Variants in TSPEAR observed in about 807,000 individuals in gnomAD.
TSPEAR encodes the protein thrombospondin type laminin G domain and EAR repeats.
A neutral mutation model predicts 71.6 loss-of-function variants in TSPEAR; 69 were observed. That is an observed-to-expected ratio of 0.96 (90% CI 0.79 to 1.18). The LOEUF (loss-of-function observed/expected upper bound fraction) is 1.18, where lower values mean the gene tolerates loss of function less well. TSPEAR is among the 50% of genes most tolerant of loss of function. TSPEAR has a pLI of 0.00. For missense variants in TSPEAR, 971 were observed against 894.9 expected (o/e 1.09, Z -1.09); for synonymous variants, 402 against 387.2 (o/e 1.04, Z -0.45).
At chr21:44,536,169 G>A (rs2053087920) in intron 2 of TSPEAR, among the ~76,000 whole-genome samples, 1 of 152,246 alleles carries the variant, frequency 6.6e-6, no homozygotes, top group Non-Finnish European at 1.5e-5. Flanking sequence ...CCCAGCTGCA[G>A]TGGCTGTTCA....
chr21:44,644,212 C>G (rs1270732629), intron 1 of TSPEAR, among the ~76,000 whole-genome samples: 3 of 152,150 alleles, frequency 2.0e-5, no homozygotes, highest in African/African-American at 7.2e-5. Context: ...TTCCATGATC[C>G]AAAAAGTCAT....
intron 1 of TSPEAR, among the ~76,000 whole-genome samples, chr21:44,680,830 A>T (rs1986548525): frequency 6.6e-6 from 1 of 152,176 alleles, no homozygotes; most frequent in African/African-American, 2.4e-5. Flanking sequence ...ATGGAAGTAG[A>T]GAGTAGAATG....
intron 3 of TSPEAR, among the ~76,000 whole-genome samples, chr21:44,532,335 C>T (rs1410386573): frequency 6.6e-6 from 1 of 152,238 alleles, no homozygotes; most frequent in African/African-American, 2.4e-5. Flanking sequence ...TTCCTAGCTG[C>T]TGTGGCAAAG....
chr21:44,637,460 G>A lies in TSPEAR; in HGVS notation c.83-69455C>T, dbSNP rs782030241. On this transcript the variant is annotated intron_variant, in intron 1 of 11. Coordinates refer to ENST00000323084, the MANE Select transcript of TSPEAR (RefSeq NM_144991.3). The stretch of plus-strand genomic sequence containing the variant: ...GTCCATCTGCTCCAGCGCCTGCACT[G>A]ACTCTTGGCGGGTAGTCGACTGCCC... 6.8e-6 allele frequency: 11 copies of A among 1,612,940 alleles called. No individual in the cohort carries two copies. The South Asian group carries it at 9.9e-5, about 15-fold the overall frequency.
At chr21:44,630,605 A>AGCAGGAAGTGAAGGGGAGG (rs587618653) in intron 1 of TSPEAR, among the ~76,000 whole-genome samples, 271 of 150,946 alleles carry the variant, frequency 1.8e-3, no homozygotes, top group Middle Eastern at 3.4e-3. Context: ...GCTCTGAGCA[A>AGCAGGAAGTGAAGGGGAGG]GCAGGAAGTG....
intron 10 of TSPEAR, chr21:44,508,520 G>T: frequency 1.8e-6 from 2 of 1,093,256 alleles, no homozygotes; most frequent in Non-Finnish European, 2.2e-6. Flanking sequence ...GGATTCGATT[G>T]CAGGTTTATT....
Position 44,525,198 on chromosome 21 carries a change from G to A in TSPEAR, c.1336+455C>T, listed in dbSNP as rs1270749313. Among the ~76,000 whole-genome samples the A allele has an allele frequency of 8.6e-5, 13 of 151,950 alleles. 1 individual carries two copies. Among genetic ancestry groups the A allele is most frequent in the Non-Finnish European group, 4.4e-5 (3 of 67,982 alleles). On this transcript the variant is annotated intron_variant, in intron 8 of 11. Transcript: ENST00000323084. ...GTGAAGTAGTCAGTCAGTCTGTGAT[G>A]TAGTTGGTCATTCAGGTCGTCAATC... is the stretch of plus-strand genomic sequence containing the variant.
At chr21:44,647,935 C>T (rs1984537668) in intron 1 of TSPEAR, among the ~76,000 whole-genome samples, 1 of 152,240 alleles carries the variant, frequency 6.6e-6, no homozygotes, top group African/African-American at 2.4e-5. Flanking sequence ...CCGCCCATGC[C>T]TGTCCCCTGC....
In TSPEAR at chr21:44,613,300, C is replaced by G. The variant is rs587634710; in HGVS notation, c.83-45295G>C. 4.6e-5 allele frequency among the ~76,000 whole-genome samples: 7 copies of G among 152,316 alleles called. No individual in the cohort carries two copies. The East Asian group carries it at 1.2e-3, about 25-fold the overall frequency. On this transcript the variant is annotated intron_variant, in intron 1 of 11. Transcript: ENST00000323084. ...CGTTTCTAGGAGTGAGTTACTTAAC[C>G]TAGAAGTCACAAGGGACAGTGGCCT...
chr21:44,512,191 G>C (rs1460956477), intron 9 of TSPEAR, among the ~76,000 whole-genome samples: 3 of 152,212 alleles, frequency 2.0e-5, no homozygotes, highest in East Asian at 1.9e-4. Flanking sequence ...CCTGGGTGCT[G>C]TGGAAAGCAG....
chr21:44,637,884 G>A (rs782538046), intron 1 of TSPEAR: 1 of 1,533,798 alleles, frequency 6.5e-7, no homozygotes, highest in South Asian at 1.2e-5. Context: ...AAGTCCGTCT[G>A]CTATGTGCCT....
At chr21:44,660,797 T>G (rs1985443096) in intron 1 of TSPEAR, among the ~76,000 whole-genome samples, 1 of 151,274 alleles carries the variant, frequency 6.6e-6, no homozygotes, top group African/African-American at 2.4e-5. Flanking sequence ...TGAAACCCCA[T>G]CCCTACTAAA....
chr21:44,558,295 T>C (rs2053573072), intron 2 of TSPEAR: 2 of 1,613,904 alleles, frequency 1.2e-6, no homozygotes, highest in African/African-American at 2.7e-5. Context: ...GGCTGGCGGC[T>C]AGACTGCTGG....
chr21:44,517,238 G>A (rs1360104297), intron 9 of TSPEAR: 1 of 154,540 alleles, frequency 6.5e-6, no homozygotes, highest in African/African-American at 2.4e-5. Flanking sequence ...GGTCATCTTT[G>A]GGTGGAGCCA....
intron 2 of TSPEAR, among the ~76,000 whole-genome samples, chr21:44,562,769 G>A (rs139736532): frequency 1.3e-5 from 2 of 152,210 alleles, no homozygotes; most frequent in African/African-American, 2.4e-5. Flanking sequence ...ATCCAACAAA[G>A]TTGTCTTTCA....
In TSPEAR at chr21:44,666,915, C is replaced by T. The variant is rs181592189; in HGVS notation, c.82+44518G>A. ...GGCGTGTGGCTGGATAAGGTCGAGG[C>T]AGAGGGCAGTGATGTCTGGGGACGG... is the stretch of plus-strand genomic sequence containing the variant. On this transcript the variant is annotated intron_variant, in intron 1 of 11. Coordinates refer to ENST00000323084, the MANE Select transcript of TSPEAR (RefSeq NM_144991.3). 2.5e-4 allele frequency: 397 copies of T among 1,603,620 alleles called. 6 individuals carry two copies. The East Asian group carries it at 8.8e-3, about 35-fold the overall frequency.
chr21:44,690,802 G>A (rs1987092704), intron 1 of TSPEAR, among the ~76,000 whole-genome samples: 1 of 152,162 alleles, frequency 6.6e-6, no homozygotes, highest in Non-Finnish European at 1.5e-5. Context: ...ATAGAGAAGG[G>A]GTGGTCTTGC....
intron 11 of TSPEAR, among the ~76,000 whole-genome samples, chr21:44,500,896 C>T (rs2052017463): frequency 6.6e-6 from 1 of 152,168 alleles, no homozygotes. Context: ...ATGTCTGTTT[C>T]CATAGAAAGC....
intron 1 of TSPEAR, among the ~76,000 whole-genome samples, chr21:44,707,275 A>C (rs1555952577): frequency 7.6e-6 from 1 of 132,294 alleles, no homozygotes; most frequent in African/African-American, 2.8e-5. Context: ...TCCACCAGGA[A>C]GATGGGGGTG....
Sources: allele counts gnomAD v4.1 joint callset (sites outside exome capture counted in the v4.1 genomes callset), GRCh38; gene constraint gnomAD v4.1.1; transcripts MANE v1.5; gene names NCBI Gene and HGNC (gene_info 2026-07-23, HGNC 2026-07-21).